ZDHHC23: variants seen among roughly 807,000 people sequenced by gnomAD.
ZDHHC23 encodes zDHHC palmitoyltransferase 23.
Under a neutral mutation model 40.2 loss-of-function variants are expected in ZDHHC23, and 41 were observed. The observed-to-expected ratio is 1.02, with a 90% confidence interval of 0.79 to 1.32. ZDHHC23 has a LOEUF of 1.32. ZDHHC23 is among the 40% of genes most tolerant of loss of function. The pLI, the probability that ZDHHC23 is intolerant of heterozygous loss-of-function variation, is 0.00. For synonymous variants in ZDHHC23, 204 were observed against 210.2 expected (o/e 0.97, Z 0.26); for missense variants, 471 against 541.5 (o/e 0.87, Z 1.29).
chr3:113,966,125 C>G (rs988876206), downstream of ZDHHC23, among the ~76,000 whole-genome samples: 1 of 152,190 alleles, frequency 6.6e-6, no homozygotes, highest in Non-Finnish European at 1.5e-5. Flanking sequence ...GCCAAAGTTA[C>G]AGGCATTGAG....
At chr3:113,973,419 G>C in the ZDHHC23 span, among the ~76,000 whole-genome samples, 2 of 151,854 alleles carry the variant, frequency 1.3e-5, no homozygotes, top group Non-Finnish European at 2.9e-5. Context: ...ACTGTCAACT[G>C]TTTTCTTTTT....
chr3:113,964,940 T>C (rs533321440), downstream of ZDHHC23: 53 of 374,848 alleles, frequency 1.4e-4, no homozygotes, highest in Admixed American at 2.1e-3. Context: ...GAATGTTCCT[T>C]TGGATGATCC....
chr3:113,978,955 A>G, the ZDHHC23 span: 2 of 1,613,948 alleles, frequency 1.2e-6, no homozygotes, highest in African/African-American at 2.7e-5. Context: ...ACTACGCTGG[A>G]ACCACGTCAG....
Position 113,948,854 on chromosome 3 carries a change from C to A in ZDHHC23, c.52C>A (p.Pro18Thr). The A allele has an allele frequency of 1.2e-6, 2 of 1,614,104 alleles. No individual in the cohort carries two copies. Among genetic ancestry groups the A allele is most frequent in the Non-Finnish European group, 1.7e-6 (2 of 1,180,020 alleles). The change falls in exon 2 of 5, where the codon CCT becomes ACT. Residue 18 changes from proline (P) to threonine (T), a missense_variant. Pro to Thr is a conservative substitution (Grantham distance 38). Around this residue, in one of 3 missense-constraint regions of ZDHHC23, gnomAD observed 83 missense variants for 67.8 expected, o/e 1.22. Coordinates refer to ENST00000638807, the MANE Select transcript of ZDHHC23 (RefSeq NM_001320466.2). ...KPVKKKKTEE[P>T]ELEPLCCCEY... The stretch of plus-strand genomic sequence containing the variant: ...TGTGAAGAAAAAGAAAACCGAAGAA[C>A]CTGAATTGGAGCCCCTGTGCTGCTG...
At chr3:113,973,584 C>A in the ZDHHC23 span, among the ~76,000 whole-genome samples, 1 of 146,418 alleles carries the variant, frequency 6.8e-6, no homozygotes, top group Non-Finnish European at 1.5e-5. Context: ...ATACAGTATT[C>A]TTGGATGGCA....
In ZDHHC23 at chr3:113,958,468, G is replaced by C; in HGVS notation, c.1146G>C (p.Glu382Asp). The C allele has an allele frequency of 1.2e-6, 2 of 1,614,162 alleles. No homozygotes were observed. Among genetic ancestry groups the C allele is most frequent in the Non-Finnish European group, 1.7e-6 (2 of 1,180,022 alleles). ...QLINISYNVT[E>D]REVQQALRQK... ...TCAACATCAGCTACAATGTGACTGA[G>C]CGGGAAGTCCAGCAGGCCCTCCGAC... The change falls in exon 5 of 5, where the codon GAG becomes GAC. Residue 382 changes from glutamate to aspartate, a missense_variant. This residue lies in a region of ZDHHC23 where 346 missense variants were observed against 399.8 expected (regional missense o/e 0.87). Coordinates refer to ENST00000638807, the MANE Select transcript of ZDHHC23 (RefSeq NM_001320466.2).
chr3:113,956,991 A>G (rs1033835393), intron 4 of ZDHHC23, among the ~76,000 whole-genome samples: 4 of 152,004 alleles, frequency 2.6e-5, no homozygotes, highest in African/African-American at 9.7e-5. Flanking sequence ...TTTTCTTTCT[A>G]ACCTCTCTTG....
At chr3:113,976,604 A>G in the ZDHHC23 span, among the ~76,000 whole-genome samples, 171 of 152,090 alleles carry the variant, frequency 1.1e-3, 3 homozygotes, top group African/African-American at 3.9e-3. Flanking sequence ...GGCAAAAAGG[A>G]TGTTTAATAA....
chr3:113,954,496 A>G, intron 3 of ZDHHC23, 86 bp downstream of exon 3: 1 of 1,279,560 alleles, frequency 7.8e-7, no homozygotes, highest in Non-Finnish European at 1.1e-6. Context: ...GCTATCCCAA[A>G]ATTTCTCTCC....
At position 113,951,667 on chromosome 3, in the gene ZDHHC23, C is replaced by G. The variant is rs141401046; in HGVS notation, c.162-2033C>G. Among the ~76,000 whole-genome samples, 173 of 152,306 alleles carry G rather than the reference C, an allele frequency of 1.1e-3. 1 individual carries two copies. The highest frequency in any genetic ancestry group is 6.9e-3 in the Admixed American group (106 of 15,304). ...CAGCAGCCCCAAGGATCTCCGAATG[C>G]CTTCAGGGTCCTTCCATTGTCTTGA... On this transcript the variant is annotated intron_variant, in intron 2 of 4. Transcript: ENST00000638807.
chr3:113,961,822 T>C lies in ZDHHC23; in HGVS notation c.*3192T>C, dbSNP rs1356052387. The C allele has an allele frequency of 1.3e-5, 2 of 152,690 alleles. No homozygotes were observed. The highest frequency in any genetic ancestry group is 4.8e-5 in the African/African-American group (2 of 41,476). The allele number at this position is 152,690 out of a possible 1,614,324, so 9.5% of individuals were successfully genotyped here. On this transcript the variant is annotated 3_prime_UTR_variant, in exon 5 of 5. Transcript: ENST00000638807. ...AGAAAACACAGTGCCAGTAAGGTTCTACATACCACTGACCATCTGCTTAAT... is the reference window on the plus strand; with the variant it reads ...AGAAAACACAGTGCCAGTAAGGTTCCACATACCACTGACCATCTGCTTAAT...
rs1159502204 is a variant in ZDHHC23, at chr3:113,961,176, C to T, written c.*2546C>T. ...CCCGGTGAACCTATAAATCAGCAGT[C>T]TCTTGGGCAGAGGAGCAAGCCCCTC... is the stretch of plus-strand genomic sequence containing the variant. On this transcript the variant is annotated 3_prime_UTR_variant, in exon 5 of 5. Transcript: ENST00000638807. 1 of 160,418 alleles carries T rather than the reference C, an allele frequency of 6.2e-6. No individual in the cohort carries two copies. Among genetic ancestry groups the T allele is most frequent in the Non-Finnish European group, 1.4e-5 (1 of 73,880 alleles). 9.9% of individuals were successfully genotyped at this position (160,418 alleles called of 1,614,324 possible).
the ZDHHC23 span, among the ~76,000 whole-genome samples, chr3:113,970,407 A>G: frequency 6.6e-6 from 1 of 152,130 alleles, no homozygotes; most frequent in African/African-American, 2.4e-5. Flanking sequence ...TGATCCTTCC[A>G]TAGTGGCCTC....
chr3:113,947,971 G>A (rs1938240890), upstream of ZDHHC23: 3 of 147,612 alleles, frequency 2.0e-5, no homozygotes, highest in Non-Finnish European at 4.5e-5. Flanking sequence ...GGGACGGCGC[G>A]GGGAGGCGGG....
chr3:113,966,363 G>T (rs1427489931), downstream of ZDHHC23, among the ~76,000 whole-genome samples: 3 of 152,158 alleles, frequency 2.0e-5, no homozygotes, highest in African/African-American at 7.2e-5. Flanking sequence ...AACACTAGGG[G>T]CATCAAGGTA....
At chr3:113,964,691 G>C (rs1274544847), downstream of ZDHHC23, 1 of 152,312 alleles carries the variant, frequency 6.6e-6, no homozygotes, top group Non-Finnish European at 1.5e-5. Context: ...GAAAGTGGAC[G>C]AGGTCTGGTG....
At chr3:113,970,763 T>C in the ZDHHC23 span, among the ~76,000 whole-genome samples, 3 of 150,104 alleles carry the variant, frequency 2.0e-5, no homozygotes, top group African/African-American at 7.3e-5. Context: ...TTCCCCTTCC[T>C]GTGTCCATGT....
chr3:113,978,340 G>C, the ZDHHC23 span: 1 of 1,613,018 alleles, frequency 6.2e-7, no homozygotes, highest in Non-Finnish European at 8.5e-7. Flanking sequence ...TACTGGGGAT[G>C]AAGACAGAAA....
rs928674318 is a variant in ZDHHC23 at position 113,953,832 on chromosome 3, G to C, written c.294G>C (p.Leu98=). The change falls in exon 3 of 5, where the codon CTG becomes CTC. Residue 98 remains leucine, a synonymous_variant. Transcript: ENST00000638807. ...TCAGCATCATCCCTCCGCTTGTCCT[G>C]CTGCCTGTCTTCCTTCATGTGGCTT... ...VNISIIPPLV[L]LPVFLHVASW... The C allele has an allele frequency of 6.2e-7, 1 of 1,614,188 alleles. No homozygotes were observed.
Sources: gnomAD v4.1 joint callset for allele counts (sites outside exome capture counted in the v4.1 genomes callset) on GRCh38, gnomAD v4.1.1 for gene constraint, gnomAD v4.1.1 regional missense constraint, MANE v1.5 for transcripts, NCBI Gene and HGNC (gene_info 2026-07-23, HGNC 2026-07-21) for gene names.